The following MAP3K2 variants were observed in gnomAD, a reference collection of about 807,000 sequenced individuals.
MAP3K2 encodes mitogen-activated protein kinase kinase kinase 2.
A neutral mutation model predicts 80.3 loss-of-function variants in MAP3K2; 24 were observed. That is an observed-to-expected ratio of 0.30 (90% CI 0.22 to 0.42). MAP3K2 has a LOEUF of 0.42. Ranked by LOEUF, MAP3K2 falls within the 10% of genes least tolerant of loss-of-function variation. The probability of loss-of-function intolerance (pLI) is 1.00; values close to 1 mark genes in which losing one functional copy is unlikely to be tolerated. For synonymous variants in MAP3K2, 244 were observed against 253.7 expected, an observed-to-expected ratio of 0.96 and a Z score of 0.36; for missense variants, 608 against 750.1, an observed-to-expected ratio of 0.81 and a Z score of 2.21.
chr2:127,344,577 G>C (rs1187017786), intron 1 of MAP3K2, among the ~76,000 whole-genome samples: 6 of 152,018 alleles, frequency 3.9e-5, no homozygotes, highest in African/African-American at 1.4e-4. Context: ...GGCTAAAGTG[G>C]GAAGACTGCT....
chr2:127,351,530 G>T (rs1369184830), intron 1 of MAP3K2, among the ~76,000 whole-genome samples: 1 of 152,052 alleles, frequency 6.6e-6, no homozygotes, highest in East Asian at 1.9e-4. Context: ...CAAAAATTTT[G>T]AGATAGGCTT....
At chr2:127,354,008 A>G (rs372502175) in intron 1 of MAP3K2, among the ~76,000 whole-genome samples, 9,579 of 151,612 alleles carry the variant, frequency 0.063, 414 homozygotes, top group South Asian at 0.17. Context: ...TAAGGGCGGT[A>G]CAAGATGTGC....
chr2:127,368,597 G>A (rs1026190374), intron 1 of MAP3K2, among the ~76,000 whole-genome samples: 4 of 151,902 alleles, frequency 2.6e-5, no homozygotes, highest in African/African-American at 9.7e-5. Context: ...ACTCCAGCCT[G>A]GAGACAGAGT....
rs1287353506 is a variant in MAP3K2, at chr2:127,303,152, T to C, written c.*4427A>G. On this transcript the variant is annotated 3_prime_UTR_variant, in exon 17 of 17. Transcript: ENST00000682094. The stretch of plus-strand genomic sequence containing the variant: ...CTTAAAATTCAAATAAATATGAACA[T>C]TACATTTGTAAAACAAAGGCCAAAC... 6.6e-6 allele frequency: 1 copy of C among 152,030 alleles called. No homozygotes were observed. The highest frequency in any genetic ancestry group is 2.4e-5 in the African/African-American group (1 of 41,410). The allele number at this position is 152,030 out of a possible 1,614,324, so 9.4% of individuals were successfully genotyped here. A position where few individuals can be genotyped will look rare whatever the true frequency, so the allele number is the denominator to read the frequency against.
At chr2:127,320,771 C>T (rs905890388) in intron 12 of MAP3K2, among the ~76,000 whole-genome samples, 1 of 152,102 alleles carries the variant, frequency 6.6e-6, no homozygotes, top group Non-Finnish European at 1.5e-5. Context: ...AGAATTATAG[C>T]AGATTTCTCT....
rs912314636 is a variant in MAP3K2 at position 127,387,910 on chromosome 2, G to A, written c.-524C>T. 40 of 982,088 alleles carry A rather than the reference G, an allele frequency of 4.1e-5. No homozygotes were observed. The African/African-American group carries it at 6.5e-4, about 16-fold the overall frequency. 60.8% of individuals were successfully genotyped at this position (982,088 alleles called of 1,614,324 possible). A position where few individuals can be genotyped will look rare whatever the true frequency, so the allele number is the denominator to read the frequency against. On this transcript the variant is annotated 5_prime_UTR_variant, in exon 1 of 17. Transcript: ENST00000682094. ...CCGAACGCTGCGCCCAGCGGCCGCG[G>A]CACCCTCGTCAGGCGCCGCCGCTGA... is the stretch of plus-strand genomic sequence containing the variant.
intron 1 of MAP3K2, among the ~76,000 whole-genome samples, chr2:127,384,640 C>T (rs1315791334): frequency 6.6e-6 from 1 of 151,508 alleles, no homozygotes; most frequent in Non-Finnish European, 1.5e-5. Context: ...TGAAAAGTTG[C>T]TTCTTATGGA....
At chr2:127,379,192 C>CT (rs1445312018) in intron 1 of MAP3K2, among the ~76,000 whole-genome samples, 1 of 151,898 alleles carries the variant, frequency 6.6e-6, no homozygotes, top group Non-Finnish European at 1.5e-5. Flanking sequence ...ATATTAATAA[C>CT]TTTTTTAAAT....
At chr2:127,380,483 C>T (rs1039508807) in intron 1 of MAP3K2, among the ~76,000 whole-genome samples, 1 of 152,150 alleles carries the variant, frequency 6.6e-6, no homozygotes, top group Non-Finnish European at 1.5e-5. Flanking sequence ...ATTTATGGTA[C>T]TATGAATCTC....
chr2:127,303,338 AAAG>A lies in MAP3K2; in HGVS notation c.*4238_*4240del, dbSNP rs1685633913. 6.6e-6 allele frequency: 1 copy of A among 151,500 alleles called. No individual in the cohort carries two copies. Among genetic ancestry groups the A allele is most frequent in the South Asian group, 2.1e-4 (1 of 4,816 alleles). 9.4% of individuals were successfully genotyped at this position (151,500 alleles called of 1,614,324 possible). On this transcript the variant is annotated 3_prime_UTR_variant, in exon 17 of 17. Coordinates refer to ENST00000682094, the MANE Select transcript of MAP3K2 (RefSeq NM_001371910.2). ...AAGAGACACTGGGGAAAAAAAAAAA[AAAG>A]AACAAAAAAACACTGTTATGGAATA...
chr2:127,354,290 G>T (rs1257790976), intron 1 of MAP3K2, among the ~76,000 whole-genome samples: 1 of 144,776 alleles, frequency 6.9e-6, no homozygotes, highest in Non-Finnish European at 1.5e-5. Flanking sequence ...AAAAAAGAGT[G>T]CATGCTGACT....
At chr2:127,332,393 A>C (rs1264821800) in intron 5 of MAP3K2, among the ~76,000 whole-genome samples, 1 of 152,252 alleles carries the variant, frequency 6.6e-6, no homozygotes, top group Non-Finnish European at 1.5e-5. Flanking sequence ...AACAACACTA[A>C]GTCAAATGAC....
Position 127,299,896 on chromosome 2 carries a change from G to GA in MAP3K2, c.*7682dup, listed in dbSNP as rs1177163009. ...AACAAGTTCATAAAAATGTAGAAAT[G>GA]AAATGAAAATAAGAACTTACTGGGA... On this transcript the variant is annotated 3_prime_UTR_variant, in exon 17 of 17. Transcript: ENST00000682094. 25 of 151,876 alleles carry GA rather than the reference G, an allele frequency of 1.6e-4. No individual in the cohort carries two copies. Among genetic ancestry groups the GA allele is most frequent in the Admixed American group, 1.6e-3 (25 of 15,258 alleles). The allele number at this position is 151,876 out of a possible 1,614,324, so 9.4% of individuals were successfully genotyped here.
chr2:127,321,379 C>T lies in MAP3K2; in HGVS notation c.1045+667G>A, dbSNP rs963595404. 5.3e-5 allele frequency among the ~76,000 whole-genome samples: 8 copies of T among 152,108 alleles called. No individual in the cohort carries two copies. Among genetic ancestry groups the T allele is most frequent in the African/African-American group, 1.9e-4 (8 of 41,404 alleles). On this transcript the variant is annotated intron_variant, in intron 12 of 16. Transcript: ENST00000682094. The surrounding 1 kb of genome is among the most constrained non-coding windows in gnomAD (Gnocchi z 4.4). ...AGATAGCTGTCTAAAGCAAAAATAA[C>T]AGCAATATAGCATGGGGTCAATATG...
Position 127,338,912 on chromosome 2 carries a change from A to T in MAP3K2, c.123+20T>A. On this transcript the variant is annotated intron_variant, in intron 3 of 16. Transcript: ENST00000682094. ...TTAAAGGAAAGTAATTCATAAAAAA[A>T]TACTTATTAAAATAAATACCTGTTT... 2 of 1,469,372 alleles carry T rather than the reference A, an allele frequency of 1.4e-6. No homozygotes were observed. The highest frequency in any genetic ancestry group is 1.9e-6 in the Non-Finnish European group (2 of 1,073,160). 91.0% of individuals were successfully genotyped at this position (1,469,372 alleles called of 1,614,324 possible). A position where few individuals can be genotyped will look rare whatever the true frequency, so the allele number is the denominator to read the frequency against.
rs1271528905 is a variant in MAP3K2, at chr2:127,314,894, A to C, written c.1327-11T>G. Reference sequence around the variant, plus strand: ...GTCCTTAATTGAACCCTAGGAGAAAAGAAAACAAAAATAAAAACTACTGTA... The same window carrying C: ...GTCCTTAATTGAACCCTAGGAGAAACGAAAACAAAAATAAAAACTACTGTA... On this transcript the variant is annotated splice_polypyrimidine_tract_variant and intron_variant, in intron 14 of 16. Transcript: ENST00000682094. The C allele has an allele frequency of 6.3e-7, 1 of 1,582,380 alleles. No individual in the cohort carries two copies. The highest frequency in any genetic ancestry group is 8.6e-7 in the Non-Finnish European group (1 of 1,163,412).
intron 1 of MAP3K2, among the ~76,000 whole-genome samples, chr2:127,358,741 C>T (rs6713268): frequency 0.98 from 149,818 of 152,174 alleles, 73,793 homozygotes; most frequent in East Asian, 1. Flanking sequence ...GAAACCAGCC[C>T]GGCCAATATG....
At chr2:127,311,910 T>C (rs1685814721) in intron 15 of MAP3K2, among the ~76,000 whole-genome samples, 1 of 152,244 alleles carries the variant, frequency 6.6e-6, no homozygotes, top group Non-Finnish European at 1.5e-5. Flanking sequence ...TTGCAACTTA[T>C]GAAGAAACTA....
intron 1 of MAP3K2, among the ~76,000 whole-genome samples, chr2:127,369,526 T>C (rs905692701): frequency 7.0e-6 from 1 of 143,858 alleles, no homozygotes; most frequent in Non-Finnish European, 1.5e-5. Context: ...AATGACTTCA[T>C]CTTAGATTGG....
Sources: allele counts gnomAD v4.1 joint callset (sites outside exome capture counted in the v4.1 genomes callset), GRCh38; gene constraint gnomAD v4.1.1; non-coding constraint Gnocchi (gnomAD v3.1); transcripts MANE v1.5; gene names NCBI Gene and HGNC (gene_info 2026-07-23, HGNC 2026-07-21).